The following PABPC4L variants were observed in gnomAD, a reference collection of about 807,000 sequenced individuals.
The protein encoded by PABPC4L is poly(A) binding protein cytoplasmic 4 like.
For missense variants in PABPC4L, 452 were observed against 451.4 expected, an observed-to-expected ratio of 1.00 and a Z score of -0.01; for synonymous variants, 169 against 164.1, an observed-to-expected ratio of 1.03 and a Z score of -0.23.
the PABPC4L span, among the ~76,000 whole-genome samples, chr4:134,054,117 G>A: frequency 6.6e-6 from 1 of 151,180 alleles, no homozygotes; most frequent in Non-Finnish European, 1.5e-5. Context: ...ATGAGAATAA[G>A]AGAGCTCTTT....
chr4:134,179,751 A>G, the PABPC4L span, among the ~76,000 whole-genome samples: 1 of 152,130 alleles, frequency 6.6e-6, no homozygotes, highest in Non-Finnish European at 1.5e-5. Flanking sequence ...ATTGGTTTAA[A>G]GATACTTTAA....
the PABPC4L span, among the ~76,000 whole-genome samples, chr4:134,067,949 A>G: frequency 6.6e-6 from 1 of 152,054 alleles, no homozygotes; most frequent in Non-Finnish European, 1.5e-5. Flanking sequence ...GGCTGACTAT[A>G]TGGTTGCTTT....
the PABPC4L span, among the ~76,000 whole-genome samples, chr4:134,079,546 T>C: frequency 7.7e-6 from 1 of 129,310 alleles, no homozygotes; most frequent in African/African-American, 2.9e-5. Flanking sequence ...GACGCTGCAC[T>C]CCACCCTGGA....
the PABPC4L span, among the ~76,000 whole-genome samples, chr4:134,107,014 G>C: frequency 6.6e-6 from 1 of 151,504 alleles, no homozygotes; most frequent in South Asian, 2.1e-4. Flanking sequence ...AATTTACCTA[G>C]CGAGGAATCT....
At chr4:134,048,198 T>G in the PABPC4L span, among the ~76,000 whole-genome samples, 1 of 152,160 alleles carries the variant, frequency 6.6e-6, no homozygotes, top group Non-Finnish European at 1.5e-5. Flanking sequence ...AATATTTATA[T>G]GTCTTTAATG....
the PABPC4L span, among the ~76,000 whole-genome samples, chr4:134,115,805 A>G: frequency 6.6e-6 from 1 of 151,790 alleles, no homozygotes; most frequent in Non-Finnish European, 1.5e-5. Context: ...CCACCTTAAG[A>G]AAAAACATCT....
At chr4:134,052,504 C>T in the PABPC4L span, among the ~76,000 whole-genome samples, 1 of 152,016 alleles carries the variant, frequency 6.6e-6, no homozygotes, top group East Asian at 1.9e-4. Flanking sequence ...AAAATATGGA[C>T]TATTATGAAT....
At chr4:134,098,923 G>A in the PABPC4L span, among the ~76,000 whole-genome samples, 1 of 151,636 alleles carries the variant, frequency 6.6e-6, no homozygotes, top group Non-Finnish European at 1.5e-5. Context: ...GACTGTCGGA[G>A]TTCAGTACGT....
the PABPC4L span, among the ~76,000 whole-genome samples, chr4:133,979,933 T>G: frequency 6.6e-6 from 1 of 152,146 alleles, no homozygotes; most frequent in Non-Finnish European, 1.5e-5. Context: ...TTCCCATTAT[T>G]CAAGTGTTAT....
the PABPC4L span, among the ~76,000 whole-genome samples, chr4:134,151,316 C>G: frequency 6.6e-6 from 1 of 152,058 alleles, no homozygotes; most frequent in Non-Finnish European, 1.5e-5. Context: ...AAATTAAAAT[C>G]TCATAGTTGC....
chr4:134,007,320 TG>T, the PABPC4L span, among the ~76,000 whole-genome samples: 1 of 151,770 alleles, frequency 6.6e-6, no homozygotes, highest in African/African-American at 2.4e-5. Context: ...CATTTTGTTT[TG>T]TCATAAAATA....
the PABPC4L span, among the ~76,000 whole-genome samples, chr4:133,966,239 T>C: frequency 6.6e-6 from 1 of 151,956 alleles, no homozygotes; most frequent in Admixed American, 6.6e-5. Context: ...ATCAGGGAAA[T>C]GCAAATCAAA....
At chr4:134,113,508 A>ATAGCT in the PABPC4L span, among the ~76,000 whole-genome samples, 1 of 151,982 alleles carries the variant, frequency 6.6e-6, no homozygotes. Flanking sequence ...TAGCTGTATT[A>ATAGCT]TAGCTTAGAT....
the PABPC4L span, among the ~76,000 whole-genome samples, chr4:134,052,442 C>A: frequency 2.0e-5 from 3 of 151,906 alleles, no homozygotes; most frequent in African/African-American, 7.2e-5. Flanking sequence ...TACTTCCAGT[C>A]ATTATTAATT....
chr4:134,109,765 A>G, the PABPC4L span, among the ~76,000 whole-genome samples: 1 of 149,796 alleles, frequency 6.7e-6, no homozygotes, highest in Non-Finnish European at 1.5e-5. Flanking sequence ...TTTTTTTTTG[A>G]GACATCGTCT....
At chr4:134,045,396 T>C in the PABPC4L span, among the ~76,000 whole-genome samples, 73 of 152,298 alleles carry the variant, frequency 4.8e-4, no homozygotes, top group Non-Finnish European at 9.9e-4. Context: ...AGTAATTCCA[T>C]CTTTAGATAC....
At chr4:134,118,138 C>T in the PABPC4L span, among the ~76,000 whole-genome samples, 5 of 151,696 alleles carry the variant, frequency 3.3e-5, no homozygotes, top group Admixed American at 3.3e-4. Context: ...ACTCCTTTGC[C>T]CCTGACTCAG....
chr4:133,975,734 G>A, the PABPC4L span, among the ~76,000 whole-genome samples: 1 of 152,210 alleles, frequency 6.6e-6, no homozygotes, highest in Non-Finnish European at 1.5e-5. Flanking sequence ...TCGGGACATA[G>A]TGAATCCACT....
the PABPC4L span, among the ~76,000 whole-genome samples, chr4:133,985,768 T>C: frequency 1.1e-3 from 174 of 152,174 alleles, no homozygotes; most frequent in Non-Finnish European, 2.1e-3. Flanking sequence ...TAAATTATTC[T>C]TGAATCCCAA....
Sources: allele counts gnomAD v4.1 joint callset (sites outside exome capture counted in the v4.1 genomes callset), GRCh38; gene constraint gnomAD v4.1.1; transcripts MANE v1.5; gene names NCBI Gene and HGNC (gene_info 2026-07-23, HGNC 2026-07-21).